The following LINGO2 variants were observed in gnomAD, a reference collection of about 807,000 sequenced individuals.
LINGO2 encodes leucine-rich repeat and immunoglobulin-like domain-containing nogo receptor-interacting protein 2.
A neutral mutation model predicts 30.6 loss-of-function variants in LINGO2; 14 were observed. The observed-to-expected ratio is 0.46, with a 90% confidence interval of 0.30 to 0.72. The LOEUF (loss-of-function observed/expected upper bound fraction) is 0.72. LINGO2 is among the 30% of genes least tolerant of loss of function. The pLI is 0.07. For synonymous variants in LINGO2, 317 were observed against 288.5 expected (o/e 1.10, Z -1.00); for missense variants, 729 against 751.7 (o/e 0.97, Z 0.35).
intron 4 of LINGO2, among the ~76,000 whole-genome samples, chr9:28,044,589 T>G (rs1824333264): frequency 6.6e-6 from 1 of 151,970 alleles, no homozygotes; most frequent in African/African-American, 2.4e-5. Context: ...TTGGTTTGAT[T>G]TTTTTTTAGG....
At chr9:29,030,241 T>C in the LINGO2 span, among the ~76,000 whole-genome samples, 1 of 151,806 alleles carries the variant, frequency 6.6e-6, no homozygotes, top group African/African-American at 2.4e-5. Flanking sequence ...TCAGAAAAAA[T>C]TTCTGAATGT....
chr9:28,872,416 A>G, the LINGO2 span, among the ~76,000 whole-genome samples: 1 of 152,220 alleles, frequency 6.6e-6, no homozygotes, highest in African/African-American at 2.4e-5. Context: ...ACAAGCAGGA[A>G]ACAATTAAAC....
chr9:28,374,883 A>T (rs1028905693), intron 2 of LINGO2, among the ~76,000 whole-genome samples: 1 of 152,182 alleles, frequency 6.6e-6, no homozygotes, highest in African/African-American at 2.4e-5. Flanking sequence ...AGTAAGATTG[A>T]AAAGAAACTC....
intron 3 of LINGO2, among the ~76,000 whole-genome samples, chr9:28,371,585 GC>G (rs1239185917): frequency 1.3e-5 from 2 of 152,132 alleles, no homozygotes; most frequent in East Asian, 3.9e-4. Context: ...TAGGACTTCA[GC>G]AGAGTAATTT....
At chr9:28,802,936 A>G in the LINGO2 span, among the ~76,000 whole-genome samples, 1 of 152,036 alleles carries the variant, frequency 6.6e-6, no homozygotes, top group Non-Finnish European at 1.5e-5. Flanking sequence ...CCGGGAGTCA[A>G]TGATTTCTTC....
intron 4 of LINGO2, among the ~76,000 whole-genome samples, chr9:28,102,870 C>T (rs766462700): frequency 6.6e-6 from 1 of 152,020 alleles, no homozygotes; most frequent in African/African-American, 2.4e-5. Flanking sequence ...CCTGGCAGTC[C>T]AGCACTTAGC....
intron 4 of LINGO2, among the ~76,000 whole-genome samples, chr9:28,282,832 AAAG>A (rs1823376033): frequency 6.6e-6 from 1 of 152,190 alleles, no homozygotes; most frequent in South Asian, 2.1e-4. Context: ...ATTTATATGC[AAAG>A]AATTTACTTT....
At chr9:28,428,384 G>A (rs113175179) in intron 2 of LINGO2, among the ~76,000 whole-genome samples, 3 of 152,258 alleles carry the variant, frequency 2.0e-5, no homozygotes, top group African/African-American at 7.2e-5. Flanking sequence ...TCTGGCTGAC[G>A]AAGCAGAATC....
chr9:28,529,284 G>A (rs1464730913), intron 1 of LINGO2, among the ~76,000 whole-genome samples: 1 of 152,098 alleles, frequency 6.6e-6, no homozygotes, highest in Non-Finnish European at 1.5e-5. Context: ...GCATTAGTGA[G>A]ACTATGATTA....
chr9:29,086,213 T>A, the LINGO2 span, among the ~76,000 whole-genome samples: 14 of 152,172 alleles, frequency 9.2e-5, no homozygotes, highest in African/African-American at 3.4e-4. Flanking sequence ...ATTCTTCTCA[T>A]GAGGACCTCT....
chr9:29,040,358 A>T, the LINGO2 span, among the ~76,000 whole-genome samples: 1 of 152,130 alleles, frequency 6.6e-6, no homozygotes, highest in Non-Finnish European at 1.5e-5. Flanking sequence ...TTGCAAGTTT[A>T]TAATACCAAC....
At chr9:28,682,558 T>C in the LINGO2 span, among the ~76,000 whole-genome samples, 3,596 of 152,170 alleles carry the variant, frequency 0.024, 140 homozygotes, top group African/African-American at 0.081. Context: ...TCATTTTTCA[T>C]TTTGCCAGGT....
the LINGO2 span, among the ~76,000 whole-genome samples, chr9:28,729,708 A>G: frequency 6.6e-6 from 1 of 152,044 alleles, no homozygotes; most frequent in African/African-American, 2.4e-5. Context: ...TCAGGAGGAA[A>G]AAAAATATTA....
intron 4 of LINGO2, among the ~76,000 whole-genome samples, chr9:28,210,510 A>G (rs533428768): frequency 1.3e-5 from 2 of 151,818 alleles, no homozygotes; most frequent in South Asian, 4.2e-4. Flanking sequence ...AGAGATGCCA[A>G]TAAATACTGT....
chr9:28,176,941 G>A (rs1828767243), intron 4 of LINGO2, among the ~76,000 whole-genome samples: 1 of 152,108 alleles, frequency 6.6e-6, no homozygotes, highest in African/African-American at 2.4e-5. Context: ...CTTAAGGTAT[G>A]GCTTTGATGT....
chr9:28,840,726 A>C, the LINGO2 span, among the ~76,000 whole-genome samples: 1 of 151,982 alleles, frequency 6.6e-6, no homozygotes, highest in African/African-American at 2.4e-5. Flanking sequence ...ATATCAACTA[A>C]TCAATGCAAT....
chr9:27,981,587 A>T (rs1563878950), intron 5 of LINGO2, among the ~76,000 whole-genome samples: 3 of 149,996 alleles, frequency 2.0e-5, no homozygotes, highest in South Asian at 4.2e-4. Context: ...AAAAGAAAAA[A>T]AATTTCCTAT....
intron 4 of LINGO2, among the ~76,000 whole-genome samples, chr9:28,053,338 GGA>G (rs1057512140): frequency 2.0e-4 from 30 of 152,032 alleles, no homozygotes; most frequent in Non-Finnish European, 1.2e-4. Flanking sequence ...AGGCTGCAAG[GGA>G]GAGAGTCGTA....
the LINGO2 span, among the ~76,000 whole-genome samples, chr9:29,124,769 T>C: frequency 6.6e-6 from 1 of 152,100 alleles, no homozygotes; most frequent in African/African-American, 2.4e-5. Flanking sequence ...CAAAAGATGC[T>C]GGAAAGGATG....
Sources: gnomAD v4.1 joint callset for allele counts (sites outside exome capture counted in the v4.1 genomes callset) on GRCh38, gnomAD v4.1.1 for gene constraint, MANE v1.5 for transcripts, NCBI Gene and HGNC (gene_info 2026-07-23, HGNC 2026-07-21) for gene names.